MITF: variants seen among roughly 807,000 people sequenced by gnomAD.
MITF encodes the protein microphthalmia-associated transcription factor.
Under a neutral mutation model 60.5 loss-of-function variants are expected in MITF, and 17 were observed. The observed-to-expected ratio is 0.28, with a 90% CI of 0.19 to 0.42. The LOEUF is 0.42. MITF is among the 10% of genes least tolerant of loss of function. The pLI is 1.00. For synonymous variants in MITF, 260 were observed against 248.5 expected (o/e 1.05, Z -0.43); for missense variants, 622 against 683.5 (o/e 0.91, Z 1.00).
chr3:69,757,170 C>G (rs1034509473), intron 1 of MITF, among the ~76,000 whole-genome samples: 3 of 152,006 alleles, frequency 2.0e-5, no homozygotes, highest in Non-Finnish European at 4.4e-5. Flanking sequence ...CTGTTGTGTG[C>G]ATAGGAATGA....
chr3:69,809,205 G>A (rs1049085928), intron 1 of MITF, among the ~76,000 whole-genome samples: 3 of 152,112 alleles, frequency 2.0e-5, no homozygotes, highest in Non-Finnish European at 4.4e-5. Flanking sequence ...AAAAATGGAA[G>A]CATTGCTCAG....
intron 2 of MITF, among the ~76,000 whole-genome samples, chr3:69,899,093 G>A (rs556437060): frequency 5.9e-5 from 9 of 152,168 alleles, no homozygotes; most frequent in East Asian, 1.9e-4. Context: ...AGCAGAGAAC[G>A]GGGGAAGTGT....
In MITF at chr3:69,908,617, C is replaced by T. The variant is rs186303659; in HGVS notation, c.355-29205C>T. 2.2e-4 allele frequency among the ~76,000 whole-genome samples: 33 copies of T among 152,240 alleles called. 1 individual carries two copies. In the East Asian group the frequency reaches 6.4e-3, roughly 29 times the overall value. Reference sequence around the variant, plus strand: ...GTGGTTTGTTTACCACACTGCCATTCAACCTTTGATGAACATGTGGGATGA... The same window carrying T: ...GTGGTTTGTTTACCACACTGCCATTTAACCTTTGATGAACATGTGGGATGA... On this transcript the variant is annotated intron_variant, in intron 2 of 9. Transcript: ENST00000352241.
At chr3:69,776,844 A>G (rs1481844999) in intron 1 of MITF, among the ~76,000 whole-genome samples, 8 of 152,212 alleles carry the variant, frequency 5.3e-5, no homozygotes, top group East Asian at 1.9e-4. Context: ...TACTACCATT[A>G]CTATGATTAT....
At chr3:69,867,977 A>G (rs1037510192) in intron 1 of MITF, among the ~76,000 whole-genome samples, 2 of 152,320 alleles carry the variant, frequency 1.3e-5, no homozygotes, top group Admixed American at 6.5e-5. Flanking sequence ...GAGAGCACAC[A>G]CTGTGAATTA....
chr3:69,829,468 C>CT (rs2063410507), intron 1 of MITF, among the ~76,000 whole-genome samples: 1 of 152,148 alleles, frequency 6.6e-6, no homozygotes, highest in Admixed American at 6.6e-5. Context: ...TTTTGATCCA[C>CT]TTTTTTCTAG....
chr3:69,799,249 A>T (rs1419318647), intron 1 of MITF, among the ~76,000 whole-genome samples: 1 of 152,126 alleles, frequency 6.6e-6, no homozygotes, highest in Non-Finnish European at 1.5e-5. Flanking sequence ...ATGATTTGGG[A>T]CACCAGTGAG....
At chr3:69,906,719 AC>A (rs2107369677) in intron 2 of MITF, among the ~76,000 whole-genome samples, 1 of 152,230 alleles carries the variant, frequency 6.6e-6, no homozygotes, top group South Asian at 2.1e-4. Context: ...GGCCAATTAA[AC>A]CCTGGTAGAT....
intron 3 of MITF, chr3:69,938,474 T>C (rs947571666): frequency 6.8e-7 from 1 of 1,469,252 alleles, no homozygotes. Flanking sequence ...TGGAATATTA[T>C]TTTTATTTCT....
intron 5 of MITF, among the ~76,000 whole-genome samples, chr3:69,942,150 T>C (rs892756952): frequency 6.6e-6 from 1 of 152,084 alleles, no homozygotes; most frequent in Non-Finnish European, 1.5e-5. Flanking sequence ...ATAACTAGTG[T>C]TTTAAAGACC....
intron 6 of MITF, among the ~76,000 whole-genome samples, chr3:69,949,843 A>G (rs2066197808): frequency 6.6e-6 from 1 of 152,166 alleles, no homozygotes; most frequent in African/African-American, 2.4e-5. Context: ...TACCATGGTG[A>G]ATTTTATGGC....
chr3:69,893,698 A>T (rs559408109), intron 2 of MITF, among the ~76,000 whole-genome samples: 2 of 152,288 alleles, frequency 1.3e-5, no homozygotes, highest in South Asian at 4.1e-4. Flanking sequence ...TTCTCTAGAG[A>T]TGCATGGGAT....
At chr3:69,830,255 A>G (rs76923729) in intron 1 of MITF, among the ~76,000 whole-genome samples, 399 of 152,214 alleles carry the variant, frequency 2.6e-3, no homozygotes, top group African/African-American at 9.3e-3. Flanking sequence ...CTGTTACTCA[A>G]TCTGGCTTTC....
intron 3 of MITF, chr3:69,938,723 T>C (rs915994826): frequency 4.6e-5 from 60 of 1,305,860 alleles, no homozygotes; most frequent in Non-Finnish European, 5.7e-5. Flanking sequence ...GAGCTGTGAT[T>C]TAATGCTCAT....
At chr3:69,819,715 A>G (rs1037586513) in intron 1 of MITF, among the ~76,000 whole-genome samples, 5 of 152,154 alleles carry the variant, frequency 3.3e-5, no homozygotes, top group African/African-American at 1.2e-4. Flanking sequence ...TAATCCCAGC[A>G]CTTTGGGAGG....
intron 2 of MITF, among the ~76,000 whole-genome samples, chr3:69,881,284 C>T (rs1038559711): frequency 1.3e-5 from 2 of 152,044 alleles, no homozygotes; most frequent in African/African-American, 4.8e-5. Context: ...ATTTCTCTTT[C>T]ACTCTGAATA....
rs570361913 is a variant in MITF at position 69,833,056 on chromosome 3, A to T, written c.105-46078A>T. Among the ~76,000 whole-genome samples the T allele has an allele frequency of 7.3e-5, 11 of 150,560 alleles. No individual in the cohort carries two copies. In the South Asian group the frequency reaches 2.3e-3, roughly 32 times the overall value. ...TGTTTCTCTGTTCACACTGTATGTGATTGTTTTTCTATTTATGCCGTATGT... is the reference window on the plus strand; with the variant it reads ...TGTTTCTCTGTTCACACTGTATGTGTTTGTTTTTCTATTTATGCCGTATGT... On this transcript the variant is annotated intron_variant, in intron 1 of 9. Transcript: ENST00000352241.
chr3:69,855,904 T>G (rs2063910586), intron 1 of MITF, among the ~76,000 whole-genome samples: 1 of 152,166 alleles, frequency 6.6e-6, no homozygotes, highest in Admixed American at 6.5e-5. Context: ...GAGGTCTTAT[T>G]TACAGGCACT....
intron 1 of MITF, chr3:69,763,927 G>C (rs373660547): frequency 7.3e-7 from 1 of 1,367,220 alleles, no homozygotes; most frequent in Non-Finnish European, 9.8e-7. Context: ...TTGACTCTGT[G>C]CCTGTTTTCA....
Sources: gnomAD v4.1 joint callset for allele counts (sites outside exome capture counted in the v4.1 genomes callset) on GRCh38, gnomAD v4.1.1 for gene constraint, MANE v1.5 for transcripts, NCBI Gene and HGNC (gene_info 2026-07-23, HGNC 2026-07-21) for gene names.